Variants in SHROOM3 observed in about 807,000 individuals in gnomAD.
The protein encoded by SHROOM3 is shroom family member 3.
A neutral mutation model predicts 138.6 loss-of-function variants in SHROOM3; 47 were observed. That is an observed-to-expected ratio of 0.34 (90% CI 0.27 to 0.43). SHROOM3 has a LOEUF of 0.43. SHROOM3 is among the 20% of genes least tolerant of loss of function. SHROOM3 has a pLI of 1.00. For missense variants in SHROOM3, 2,491 were observed against 2,596.5 expected, an observed-to-expected ratio of 0.96 and a Z score of 0.88; for synonymous variants, 1,062 against 1,063.3, an observed-to-expected ratio of 1.00 and a Z score of 0.02.
At chr4:76,592,285 GC>G (rs1734290655) in intron 2 of SHROOM3, among the ~76,000 whole-genome samples, 1 of 152,290 alleles carries the variant, frequency 6.6e-6, no homozygotes, top group East Asian at 1.9e-4. Flanking sequence ...GAGGCAGTTA[GC>G]TTTTACTCTG....
intron 4 of SHROOM3, 22 bp downstream of exon 4, chr4:76,730,957 T>TG (rs750989012): frequency 1.7e-5 from 28 of 1,613,746 alleles, no homozygotes; most frequent in Non-Finnish European, 2.2e-5. Context: ...TAGCTGAGAC[T>TG]GAAGGGTTTC....
In SHROOM3 at chr4:76,779,397, A is replaced by G; in HGVS notation, c.*220A>G. 3.7e-6 allele frequency: 2 copies of G among 537,528 alleles called. No homozygotes were observed. Among genetic ancestry groups the G allele is most frequent in the Non-Finnish European group, 6.5e-6 (2 of 309,694 alleles). 33.3% of individuals were successfully genotyped at this position (537,528 alleles called of 1,614,324 possible). A position where few individuals can be genotyped will look rare whatever the true frequency, so the allele number is the denominator to read the frequency against. On this transcript the variant is annotated 3_prime_UTR_variant, in exon 11 of 11. Coordinates refer to ENST00000296043, the MANE Select transcript of SHROOM3 (RefSeq NM_020859.4). ...TGCTGCTGGACACGTACCCCTTTCT[A>G]TTATTACTTTGTAGTAGAAAGAAAG...
chr4:76,581,418 C>A (rs190144466), intron 2 of SHROOM3, among the ~76,000 whole-genome samples: 1 of 152,140 alleles, frequency 6.6e-6, no homozygotes, highest in African/African-American at 2.4e-5. Flanking sequence ...GTGTGCCTTT[C>A]GATTGCTGTA....
intron 5 of SHROOM3, among the ~76,000 whole-genome samples, chr4:76,742,625 T>G (rs1448675804): frequency 1.3e-5 from 2 of 152,146 alleles, no homozygotes; most frequent in African/African-American, 4.8e-5. Flanking sequence ...GCTGCAAGGA[T>G]TATAAAGTAC....
intron 10 of SHROOM3, among the ~76,000 whole-genome samples, chr4:76,776,723 T>C (rs1432031833): frequency 2.0e-5 from 3 of 152,258 alleles, no homozygotes; most frequent in Non-Finnish European, 4.4e-5. Flanking sequence ...AGAATTTTTA[T>C]GGCTTTAGGT....
At chr4:76,596,581 AACACACACACACACACAC>A (rs58214296) in intron 2 of SHROOM3, among the ~76,000 whole-genome samples, 86 of 138,134 alleles carry the variant, frequency 6.2e-4, no homozygotes, top group Non-Finnish European at 1.1e-3. Context: ...GGTACAGAGA[AACACACACACACACACAC>A]ACACACACAC....
Position 76,754,428 on chromosome 4 carries a change from A to G in SHROOM3, c.3945A>G (p.Glu1315=). 1.2e-6 allele frequency: 2 copies of G among 1,614,130 alleles called. No homozygotes were observed. The highest frequency in any genetic ancestry group is 1.7e-6 in the Non-Finnish European group (2 of 1,180,010). ...TTGGTGATTCCTCCGTTCCTAGTGA[A>G]TGTCCTGGAACCCTGGACCATCAGA... ...KAIGDSSVPS[E]CPGTLDHQRQ... Residue 1315 remains glutamate (E), a synonymous_variant, in exon 7 of 11, where the codon GAA becomes GAG. Transcript: ENST00000296043.
At chr4:76,762,004 C>T (rs1480042989) in intron 9 of SHROOM3, among the ~76,000 whole-genome samples, 2 of 152,074 alleles carry the variant, frequency 1.3e-5, no homozygotes, top group African/African-American at 2.4e-5. Flanking sequence ...TTATAGGATT[C>T]GAGTCTATGG....
chr4:76,468,882 A>C (rs529363403), intron 1 of SHROOM3, among the ~76,000 whole-genome samples: 1 of 152,136 alleles, frequency 6.6e-6, no homozygotes, highest in East Asian at 1.9e-4. Flanking sequence ...ATACAAAAAA[A>C]AATTAGCCAG....
chr4:76,529,466 G>A (rs986484178), intron 1 of SHROOM3, among the ~76,000 whole-genome samples: 2 of 151,928 alleles, frequency 1.3e-5, no homozygotes, highest in South Asian at 2.1e-4. Context: ...ACAGGCTCCC[G>A]CCACCACACC....
chr4:76,588,634 C>T (rs1734198486), intron 2 of SHROOM3, among the ~76,000 whole-genome samples: 1 of 152,168 alleles, frequency 6.6e-6, no homozygotes, highest in South Asian at 2.1e-4. Flanking sequence ...TGGCCCCTGA[C>T]TTTTCCTGGG....
Position 76,740,691 on chromosome 4 carries a change from C to T in SHROOM3, c.2518C>T (p.Pro840Ser), listed in dbSNP as rs144001982. Reference sequence around the variant, plus strand: ...CATTCGTTTCTCTGAGTCAGCTGAACCCCTAGGCAACGGGGAGCAGCACTT... The same window carrying T: ...CATTCGTTTCTCTGAGTCAGCTGAATCCCTAGGCAACGGGGAGCAGCACTT... ...AHIRFSESAEPLGNGEQHFKN... is the reference protein window; with the variant it reads ...AHIRFSESAESLGNGEQHFKN... Residue 840 changes from proline to serine, a missense_variant, in exon 5 of 11, where the codon CCC (proline) becomes TCC (serine). Coordinates refer to ENST00000296043, the MANE Select transcript of SHROOM3 (RefSeq NM_020859.4). The surrounding 1 kb of genome is among the most constrained non-coding windows in gnomAD (Gnocchi z 4.0). The T allele has an allele frequency of 2.3e-5, 37 of 1,613,902 alleles. No individual in the cohort carries two copies. The East Asian group carries it at 4.0e-4, about 17-fold the overall frequency.
intron 7 of SHROOM3, among the ~76,000 whole-genome samples, chr4:76,755,711 CAAAAG>C (rs143032677): frequency 0.012 from 1,874 of 152,204 alleles, 28 homozygotes; most frequent in African/African-American, 0.041. Flanking sequence ...GCCTCAGTCT[CAAAAG>C]AGAAGAGAGA....
intron 9 of SHROOM3, among the ~76,000 whole-genome samples, chr4:76,762,255 G>A (rs1722010255): frequency 6.6e-6 from 1 of 152,208 alleles, no homozygotes; most frequent in African/African-American, 2.4e-5. Flanking sequence ...GCTGCAGGGT[G>A]TAAGAGCATA....
At chr4:76,596,555 T>C (rs1309903219) in intron 2 of SHROOM3, among the ~76,000 whole-genome samples, 2 of 150,528 alleles carry the variant, frequency 1.3e-5, no homozygotes, top group Non-Finnish European at 2.9e-5. Context: ...TGTCTAGATG[T>C]ATAGGTAGGT....
At chr4:76,743,009 A>G (rs1177697786) in intron 5 of SHROOM3, among the ~76,000 whole-genome samples, 1 of 152,252 alleles carries the variant, frequency 6.6e-6, no homozygotes, top group Non-Finnish European at 1.5e-5. Flanking sequence ...AGCAAGGAAT[A>G]CGACCTTATA....
intron 1 of SHROOM3, among the ~76,000 whole-genome samples, chr4:76,538,864 C>A (rs906992719): frequency 6.6e-6 from 1 of 152,148 alleles, no homozygotes; most frequent in African/African-American, 2.4e-5. Flanking sequence ...TCCCCAAGGA[C>A]CTATTACCCA....
chr4:76,600,941 A>G (rs1734492242), intron 2 of SHROOM3, among the ~76,000 whole-genome samples: 1 of 152,228 alleles, frequency 6.6e-6, no homozygotes, highest in South Asian at 2.1e-4. Flanking sequence ...AATCAAACAG[A>G]ATCAGGGACT....
chr4:76,659,264 T>C (rs1370170214), intron 2 of SHROOM3, among the ~76,000 whole-genome samples: 1 of 152,110 alleles, frequency 6.6e-6, no homozygotes, highest in Non-Finnish European at 1.5e-5. Flanking sequence ...AGTGGATGGA[T>C]CACTCCCTAC....
Sources: allele counts gnomAD v4.1 joint callset (sites outside exome capture counted in the v4.1 genomes callset), GRCh38; gene constraint gnomAD v4.1.1; non-coding constraint Gnocchi (gnomAD v3.1); transcripts MANE v1.5; gene names NCBI Gene and HGNC (gene_info 2026-07-23, HGNC 2026-07-21).